CNTNAP5: variants seen among roughly 807,000 people sequenced by gnomAD.
CNTNAP5 encodes the protein contactin-associated protein-like 5.
Under a neutral mutation model 150.2 loss-of-function variants are expected in CNTNAP5, and 72 were observed. The observed-to-expected ratio is 0.48, with a 90% CI of 0.40 to 0.58. The LOEUF (loss-of-function observed/expected upper bound fraction) is 0.58, where lower values mean the gene tolerates loss of function less well. Among genes scored for constraint, CNTNAP5 ranks in the 20% least tolerant of loss-of-function variants. The pLI is 0.00. For synonymous variants in CNTNAP5, 672 were observed against 619.8 expected, an observed-to-expected ratio of 1.08 and a Z score of -1.25; for missense variants, 1,636 against 1,626.2, an observed-to-expected ratio of 1.01 and a Z score of -0.10.
intron 13 of CNTNAP5, among the ~76,000 whole-genome samples, chr2:124,719,356 G>A (rs1680006817): frequency 6.6e-6 from 1 of 152,114 alleles, no homozygotes; most frequent in Non-Finnish European, 1.5e-5. Flanking sequence ...TTCTGTGGCT[G>A]ACATACTGTT....
chr2:124,067,899 CAG>C (rs2104660613), intron 1 of CNTNAP5, among the ~76,000 whole-genome samples: 1 of 152,194 alleles, frequency 6.6e-6, no homozygotes, highest in African/African-American at 2.4e-5. Flanking sequence ...ATTGAAATAA[CAG>C]TATTACATTT....
chr2:124,191,678 G>A (rs11682449), intron 1 of CNTNAP5, among the ~76,000 whole-genome samples: 31,024 of 152,002 alleles, frequency 0.2, 3,365 homozygotes, highest in African/African-American at 0.24. Context: ...TACTTTGGGA[G>A]GCCCAGGCAG....
At chr2:124,167,698 G>A (rs1169066042) in intron 1 of CNTNAP5, among the ~76,000 whole-genome samples, 1 of 152,170 alleles carries the variant, frequency 6.6e-6, no homozygotes, top group Non-Finnish European at 1.5e-5. Flanking sequence ...GCTGCTTCCT[G>A]CAGGGTCATA....
chr2:124,713,281 CTTT>C (rs1558746742), intron 13 of CNTNAP5, among the ~76,000 whole-genome samples: 24 of 105,486 alleles, frequency 2.3e-4, no homozygotes, highest in South Asian at 3.9e-4. Flanking sequence ...TTCTTTCTTT[CTTT>C]CTTTCTTTCT....
intron 8 of CNTNAP5, 76 bp from the exon 9 acceptor site, chr2:124,524,227 G>A (rs949550864): frequency 8.8e-6 from 13 of 1,484,056 alleles, no homozygotes; most frequent in Admixed American, 3.4e-5. Context: ...ACGGCAGCAG[G>A]CTGGGAAATG....
rs66530326 is a variant in CNTNAP5 at position 124,314,987 on chromosome 2, CTT to C, written c.381+72605_381+72606del. ...TAATGCATACATCAAACAAACAAGC[CTT>C]TTTTTTTTTTGATGGGGTGTTGCTC... On this transcript the variant is annotated intron_variant, in intron 3 of 23. Coordinates refer to ENST00000682447, the MANE Select transcript of CNTNAP5 (RefSeq NM_001367498.1). 4.2e-3 allele frequency among the ~76,000 whole-genome samples: 615 copies of C among 145,684 alleles called. 5 individuals carry two copies. Among genetic ancestry groups the C allele is most frequent in the African/African-American group, 0.014 (576 of 40,060 alleles).
chr2:124,713,259 T>C lies in CNTNAP5; in HGVS notation c.2078-33970T>C, dbSNP rs945218406. 9.2e-5 allele frequency among the ~76,000 whole-genome samples: 11 copies of C among 119,048 alleles called. 1 individual carries two copies. The highest frequency in any genetic ancestry group is 3.1e-4 in the African/African-American group (11 of 35,762). The allele number at this position is 119,048 out of a possible 152,430, so 78.1% of individuals were successfully genotyped here. On this transcript the variant is annotated intron_variant, in intron 13 of 23. Coordinates refer to ENST00000682447, the MANE Select transcript of CNTNAP5 (RefSeq NM_001367498.1). ...TCTTTCTTTCTCTTTCTTTCTTTCT[T>C]TCTTTCTTTCTTTCTTTCTTTCTTT...
intron 17 of CNTNAP5, among the ~76,000 whole-genome samples, chr2:124,776,076 T>G (rs1681315645): frequency 6.6e-6 from 1 of 152,168 alleles, no homozygotes; most frequent in Admixed American, 6.5e-5. Flanking sequence ...ATCTGCTATC[T>G]GCATGTACAA....
chr2:124,533,203 C>A (rs902409313), intron 10 of CNTNAP5, among the ~76,000 whole-genome samples: 11 of 152,066 alleles, frequency 7.2e-5, no homozygotes, highest in African/African-American at 2.4e-4. Flanking sequence ...CTAGAATGAG[C>A]CTAGAGAGTA....
chr2:124,173,448 A>C (rs1376895694), intron 1 of CNTNAP5, among the ~76,000 whole-genome samples: 1 of 152,252 alleles, frequency 6.6e-6, no homozygotes, highest in East Asian at 1.9e-4. Context: ...GAAGGAAATT[A>C]AAAGTGCTAC....
intron 1 of CNTNAP5, among the ~76,000 whole-genome samples, chr2:124,152,468 C>T (rs1197390299): frequency 6.6e-6 from 1 of 152,184 alleles, no homozygotes. Context: ...GCAGATCTCC[C>T]TTTTGCTCAT....
intron 12 of CNTNAP5, among the ~76,000 whole-genome samples, chr2:124,630,157 C>T (rs1329752121): frequency 4.6e-5 from 7 of 151,890 alleles, no homozygotes; most frequent in East Asian, 1.9e-4. Flanking sequence ...AAAGAGGAGC[C>T]GGTACCATTT....
chr2:124,659,711 GC>G (rs35989888), intron 13 of CNTNAP5, among the ~76,000 whole-genome samples: 23,263 of 152,086 alleles, frequency 0.15, 2,017 homozygotes, highest in Non-Finnish European at 0.2. Context: ...TATTTAAGGA[GC>G]CTATCCCCCT....
Position 124,037,736 on chromosome 2 carries a change from G to C in CNTNAP5, c.82+12004G>C, listed in dbSNP as rs375337631. 1.8e-4 allele frequency among the ~76,000 whole-genome samples: 27 copies of C among 152,260 alleles called. 2 individuals are homozygous for C. The South Asian group carries it at 5.6e-3, about 32-fold the overall frequency. On this transcript the variant is annotated intron_variant, in intron 1 of 23. Transcript: ENST00000682447. ...AGGGTACAAAGTTTCACTTAGAAAG[G>C]CGGAATAAGTTCTAGAGATCTTTTG...
chr2:124,524,697 G>C (rs1694926686), intron 9 of CNTNAP5, among the ~76,000 whole-genome samples: 1 of 152,132 alleles, frequency 6.6e-6, no homozygotes. Context: ...TTAGCTACAA[G>C]AGCTGGTGTT....
At position 124,213,434 on chromosome 2, in the gene CNTNAP5, C is replaced by T. The variant is rs56713943; in HGVS notation, c.83-8271C>T. ...GAGAGATCATCCCAAGAGAAAACAA[C>T]AATTCAACAGGATAGAACTTGTGTC... is the stretch of plus-strand genomic sequence containing the variant. On this transcript the variant is annotated intron_variant, in intron 1 of 23. Transcript: ENST00000682447. Among the ~76,000 whole-genome samples the T allele has an allele frequency of 8.4e-3, 1,272 of 152,234 alleles. 18 individuals carry two copies. The highest frequency in any genetic ancestry group is 0.029 in the African/African-American group (1,208 of 41,548).
chr2:124,662,378 G>A (rs956891522), intron 13 of CNTNAP5, among the ~76,000 whole-genome samples: 2 of 151,998 alleles, frequency 1.3e-5, no homozygotes, highest in African/African-American at 4.8e-5. Flanking sequence ...GATATTTCTG[G>A]TTCTAGATCC....
At position 124,488,126 on chromosome 2, in the gene CNTNAP5, G is replaced by A. The variant is rs57208862; in HGVS notation, c.1062+13244G>A. Reference sequence around the variant, plus strand: ...GATTATAGGAAATTGTGTAAACACCGAAAATCAGAAAGAAAAGAAGTCACC... The same window carrying A: ...GATTATAGGAAATTGTGTAAACACCAAAAATCAGAAAGAAAAGAAGTCACC... On this transcript the variant is annotated intron_variant, in intron 7 of 23. Transcript: ENST00000682447. Among the ~76,000 whole-genome samples, 459 of 152,170 alleles carry A rather than the reference G, an allele frequency of 3.0e-3. 4 individuals carry two copies. Among genetic ancestry groups the A allele is most frequent in the African/African-American group, 0.01 (417 of 41,528 alleles).
intron 1 of CNTNAP5, among the ~76,000 whole-genome samples, chr2:124,050,405 A>G (rs1023374416): frequency 6.6e-6 from 1 of 152,126 alleles, no homozygotes; most frequent in African/African-American, 2.4e-5. Context: ...TGGAGGTTGC[A>G]GTGAGCCAAG....
Sources: gnomAD v4.1 joint callset for allele counts (sites outside exome capture counted in the v4.1 genomes callset) on GRCh38, gnomAD v4.1.1 for gene constraint, MANE v1.5 for transcripts, NCBI Gene and HGNC (gene_info 2026-07-23, HGNC 2026-07-21) for gene names.